CSMD1: variants seen among roughly 807,000 people sequenced by gnomAD.
CSMD1 encodes the protein CUB and sushi domain-containing protein 1.
A neutral mutation model predicts 417.5 loss-of-function variants in CSMD1; 213 were observed. The observed-to-expected ratio is 0.51, with a 90% CI of 0.46 to 0.57. The LOEUF (loss-of-function observed/expected upper bound fraction) is 0.57. Ranked by LOEUF, CSMD1 falls within the 20% of genes least tolerant of loss-of-function variation. CSMD1 has a pLI of 0.00. For synonymous variants in CSMD1, 2,862 were observed against 1,736.8 expected (o/e 1.65, Z -16.11); for missense variants, 6,923 against 4,529.7 (o/e 1.53, Z -15.17).
chr8:3,573,937 T>C (rs1383011454), intron 10 of CSMD1, among the ~76,000 whole-genome samples: 1 of 152,132 alleles, frequency 6.6e-6, no homozygotes, highest in Non-Finnish European at 1.5e-5. Flanking sequence ...TTCTTCCTAC[T>C]GGCAAGCATC....
chr8:4,151,301 G>T (rs1016153274), intron 3 of CSMD1, among the ~76,000 whole-genome samples: 4 of 152,128 alleles, frequency 2.6e-5, no homozygotes, highest in Non-Finnish European at 5.9e-5. Context: ...CATTTGCCTT[G>T]TTATAGATCC....
chr8:4,928,983 G>A (rs11136796), intron 1 of CSMD1, among the ~76,000 whole-genome samples: 3,584 of 152,134 alleles, frequency 0.024, 107 homozygotes, highest in African/African-American at 0.07. Context: ...AAGCATAAGA[G>A]TCACTTGAAC....
rs561702180 is a variant in CSMD1 at position 4,394,599 on chromosome 8, C to G, written c.415+25354G>C. On this transcript the variant is annotated intron_variant, in intron 3 of 69. Coordinates refer to ENST00000635120, the MANE Select transcript of CSMD1 (RefSeq NM_033225.6). ...TGTCTGTGGATGCCCCCAGTAGCTG[C>G]AGGAAGGTGAGATGTTGTCATTAGG... is the stretch of plus-strand genomic sequence containing the variant. Among the ~76,000 whole-genome samples, 118 of 152,184 alleles carry G rather than the reference C, an allele frequency of 7.8e-4. No individual in the cohort carries two copies. The South Asian group carries it at 0.011, about 15-fold the overall frequency.
intron 18 of CSMD1, among the ~76,000 whole-genome samples, chr8:3,386,695 G>A (rs1260736347): frequency 6.6e-6 from 1 of 152,148 alleles, no homozygotes; most frequent in Non-Finnish European, 1.5e-5. Context: ...TAGAAACAAT[G>A]TGTTTTGGAA....
chr8:3,782,975 G>C (rs966099378), intron 5 of CSMD1, among the ~76,000 whole-genome samples: 7 of 152,290 alleles, frequency 4.6e-5, no homozygotes, highest in African/African-American at 1.4e-4. Context: ...GTACAGGATT[G>C]TTAGCTATAA....
chr8:4,046,702 G>C (rs1049324887), intron 3 of CSMD1, among the ~76,000 whole-genome samples: 5 of 152,166 alleles, frequency 3.3e-5, no homozygotes, highest in African/African-American at 7.2e-5. Flanking sequence ...AAAGGATGTA[G>C]ATATTATTTA....
intron 4 of CSMD1, among the ~76,000 whole-genome samples, chr8:4,019,656 C>G (rs769290513): frequency 1.3e-5 from 2 of 152,150 alleles, no homozygotes; most frequent in African/African-American, 4.8e-5. Flanking sequence ...GGAGCTGGAA[C>G]TTAAAGTGGC....
intron 3 of CSMD1, among the ~76,000 whole-genome samples, chr8:4,067,986 A>C (rs1029993111): frequency 6.6e-6 from 1 of 152,150 alleles, no homozygotes; most frequent in Non-Finnish European, 1.5e-5. Flanking sequence ...CTGAGAAAGG[A>C]GAATCACCTG....
intron 25 of CSMD1, among the ~76,000 whole-genome samples, chr8:3,306,665 G>A (rs905403410): frequency 7.5e-6 from 1 of 134,126 alleles, no homozygotes; most frequent in Non-Finnish European, 1.5e-5. Context: ...CAATGAAACA[G>A]AAAGGTTAAT....
intron 4 of CSMD1, among the ~76,000 whole-genome samples, chr8:4,015,459 C>G (rs1339143740): frequency 1.3e-5 from 2 of 152,030 alleles, no homozygotes; most frequent in African/African-American, 4.8e-5. Context: ...TTTCCAGTCA[C>G]ATTACGTAAG....
intron 3 of CSMD1, among the ~76,000 whole-genome samples, chr8:4,313,050 T>C (rs921418241): frequency 1.3e-5 from 2 of 152,100 alleles, no homozygotes; most frequent in South Asian, 4.1e-4. Context: ...TAGAATAAAC[T>C]ACAAATGAAT....
intron 2 of CSMD1, among the ~76,000 whole-genome samples, chr8:4,629,661 A>G (rs1447023988): frequency 6.6e-6 from 1 of 152,184 alleles, no homozygotes; most frequent in Non-Finnish European, 1.5e-5. Flanking sequence ...AGACACTTAG[A>G]CAATATTTAT....
At chr8:2,984,814 T>C (rs1184169071) in intron 54 of CSMD1, among the ~76,000 whole-genome samples, 1 of 152,228 alleles carries the variant, frequency 6.6e-6, no homozygotes, top group Non-Finnish European at 1.5e-5. Flanking sequence ...TTTTCAATCG[T>C]CCATACCACC....
At chr8:3,911,306 T>A (rs996562532) in intron 5 of CSMD1, among the ~76,000 whole-genome samples, 9 of 152,228 alleles carry the variant, frequency 5.9e-5, no homozygotes, top group Non-Finnish European at 1.3e-4. Context: ...AGATCCTTTT[T>A]TTTTTCCTTA....
At chr8:3,425,587 C>CAAA (rs5888966) in intron 12 of CSMD1, among the ~76,000 whole-genome samples, 2,838 of 97,380 alleles carry the variant, frequency 0.029, 79 homozygotes, top group East Asian at 0.12. Context: ...GATTCGGTCT[C>CAAA]AAAAAAAAAA....
Position 3,387,603 on chromosome 8 carries a change from G to A in CSMD1, c.2673C>T (p.Ile891=), listed in dbSNP as rs1158650107. 4 of 1,601,738 alleles carry A rather than the reference G, an allele frequency of 2.5e-6. No homozygotes were observed. The highest frequency in any genetic ancestry group is 2.3e-5 in the South Asian group (2 of 88,618). The change falls in exon 18 of 70, where the codon ATC becomes ATT. Residue 891 remains isoleucine, a synonymous_variant. Transcript: ENST00000635120. ...CACAGCTGAAAGTCACTGTGGACCT[G>A]ATGCCAAAGTCTCCACCGTGGCGAT... ...NGHRHGGDFG[I]RSTVTFSCDP... is the part of the protein sequence containing the mutation.
intron 3 of CSMD1, among the ~76,000 whole-genome samples, chr8:4,175,544 T>C (rs1292035904): frequency 1.3e-5 from 2 of 152,260 alleles, no homozygotes; most frequent in Non-Finnish European, 2.9e-5. Flanking sequence ...AATGTAGACA[T>C]GATAAAACCA....
chr8:3,591,271 T>G (rs1378007266), intron 8 of CSMD1, among the ~76,000 whole-genome samples: 1 of 152,220 alleles, frequency 6.6e-6, no homozygotes, highest in Non-Finnish European at 1.5e-5. Flanking sequence ...AACATACATT[T>G]TCTGCTTCTT....
intron 8 of CSMD1, 51 bp from the exon 9 acceptor site, chr8:3,586,311 T>A: frequency 6.8e-7 from 1 of 1,473,654 alleles, no homozygotes; most frequent in Non-Finnish European, 9.0e-7. Flanking sequence ...ACAGAAGACT[T>A]CTTTAGGAAA....
Sources: gnomAD v4.1 joint callset for allele counts (sites outside exome capture counted in the v4.1 genomes callset) on GRCh38, gnomAD v4.1.1 for gene constraint, MANE v1.5 for transcripts, NCBI Gene and HGNC (gene_info 2026-07-23, HGNC 2026-07-21) for gene names.